Variants in PCDHA2 observed in about 807,000 individuals in gnomAD.
PCDHA2 encodes the protein protocadherin alpha-2.
Under a neutral mutation model 66.0 loss-of-function variants are expected in PCDHA2, and 58 were observed. That is an observed-to-expected ratio of 0.88 (90% confidence interval 0.71 to 1.09). The LOEUF (loss-of-function observed/expected upper bound fraction) is 1.09. Ranked by LOEUF, PCDHA2 falls within the 50% of genes least tolerant of loss-of-function variation. The pLI is 0.00. For synonymous variants in PCDHA2, 634 were observed against 554.0 expected (o/e 1.14, Z -2.03); for missense variants, 1,267 against 1,242.3 (o/e 1.02, Z -0.30).
At chr5:140,835,902 T>A (rs1774035162) in intron 1 of PCDHA2, 3 of 1,612,038 alleles carry the variant, frequency 1.9e-6, no homozygotes, top group Non-Finnish European at 2.5e-6. Flanking sequence ...GCTGTCGAGC[T>A]ACGTGTCAGT....
At chr5:140,907,712 T>A (rs1562961756) in intron 1 of PCDHA2, among the ~76,000 whole-genome samples, 1 of 152,198 alleles carries the variant, frequency 6.6e-6, no homozygotes, top group African/African-American at 2.4e-5. Context: ...GCTGAGCCCA[T>A]GTGTAACCTC....
intron 1 of PCDHA2, chr5:140,800,916 T>G: frequency 1.6e-6 from 1 of 612,092 alleles, no homozygotes; most frequent in Non-Finnish European, 2.4e-6. Context: ...GATATTACAA[T>G]TGAAACTAGA....
chr5:140,985,900 C>A (rs896937826), intron 3 of PCDHA2, among the ~76,000 whole-genome samples: 2 of 151,872 alleles, frequency 1.3e-5, no homozygotes, highest in Non-Finnish European at 2.9e-5. Context: ...CCACCACTCC[C>A]GTCTAATTTT....
rs139717123 is a variant in PCDHA2, at chr5:140,967,213, G to A, written c.2389-11736G>A. 8 of 1,613,598 alleles carry A rather than the reference G, an allele frequency of 5.0e-6. No individual in the cohort carries two copies. The African/African-American group carries it at 8.0e-5, about 16-fold the overall frequency. On this transcript the variant is annotated intron_variant, in intron 1 of 3. Coordinates refer to ENST00000526136, the MANE Select transcript of PCDHA2 (RefSeq NM_018905.3). ...TCAACGACAACTCACCGCGTTTCCC[G>A]CGGCCCAACTACCAGCTTCAGGTAA...
intron 1 of PCDHA2, chr5:140,851,576 G>C: frequency 1.1e-6 from 1 of 913,534 alleles, no homozygotes; most frequent in Non-Finnish European, 1.3e-6. Context: ...TCTACACTTA[G>C]AACATTTTTT....
In PCDHA2 at chr5:140,796,631, T is replaced by A. The variant is rs1554120018; in HGVS notation, c.1667T>A (p.Leu556Gln). Residue 556 changes from leucine (L) to glutamine (Q), a missense_variant, in exon 1 of 4, where the codon CTG becomes CAG. By Grantham distance (113) the Leu-to-Gln change is moderately radical. Transcript: ENST00000526136. ...AACGTGACGCTGCAGGTGTTCGTGC[T>A]GGACGAGAACGACAACGCGCCGGCA... ...GSNVTLQVFV[L>Q]DENDNAPALL... 6.2e-7 allele frequency: 1 copy of A among 1,610,512 alleles called. No homozygotes were observed. Among genetic ancestry groups the A allele is most frequent in the South Asian group, 1.1e-5 (1 of 90,864 alleles).
intron 1 of PCDHA2, chr5:140,809,651 T>G (rs1238154320): frequency 1.8e-5 from 27 of 1,495,556 alleles, no homozygotes; most frequent in Admixed American, 2.3e-5. Flanking sequence ...TTTCTAAGAG[T>G]CAAATTTCCC....
At chr5:140,848,891 G>A in intron 1 of PCDHA2, 1 of 1,600,726 alleles carries the variant, frequency 6.2e-7, no homozygotes, top group South Asian at 1.1e-5. Flanking sequence ...ACCCTCCAGT[G>A]TTCCCAGCGA....
intron 1 of PCDHA2, among the ~76,000 whole-genome samples, chr5:140,955,453 C>T (rs1372474602): frequency 6.6e-6 from 1 of 152,012 alleles, no homozygotes; most frequent in Admixed American, 6.6e-5. Context: ...TTTATAAGGG[C>T]TTTTTCCTTT....
intron 1 of PCDHA2, among the ~76,000 whole-genome samples, chr5:140,936,745 T>C (rs2091123001): frequency 6.6e-6 from 1 of 152,234 alleles, no homozygotes; most frequent in Non-Finnish European, 1.5e-5. Context: ...ACTTTTCATT[T>C]GTATTGATAT....
At chr5:140,850,096 A>C (rs2150466906) in intron 1 of PCDHA2, 2 of 1,596,118 alleles carry the variant, frequency 1.3e-6, no homozygotes, top group African/African-American at 1.3e-5. Context: ...CTACAGTTCC[A>C]GGTGAGCGCG....
In PCDHA2 at chr5:140,795,177, C is replaced by T. The variant is rs782672356; in HGVS notation, c.213C>T (p.His71=). ...TGTTCCGGGTGGCGTCCAAAAGACA[C>T]GGGGACCTTCTGGAGGTAAATCTGC... ...PRLFRVASKR[H]GDLLEVNLQN... The change falls in exon 1 of 4, where the codon CAC becomes CAT. Residue 71 remains histidine (H), a synonymous_variant. Transcript: ENST00000526136. 5 of 1,613,946 alleles carry T rather than the reference C, an allele frequency of 3.1e-6. No individual in the cohort carries two copies. Among genetic ancestry groups the T allele is most frequent in the East Asian group, 4.5e-5 (2 of 44,898 alleles).
Position 140,795,045 on chromosome 5 carries a change from G to A in PCDHA2, c.81G>A (p.Gly27=). 2 of 1,613,876 alleles carry A rather than the reference G, an allele frequency of 1.2e-6. No homozygotes were observed. Among genetic ancestry groups the A allele is most frequent in the Non-Finnish European group, 1.7e-6 (2 of 1,180,002 alleles). Residue 27 remains glycine (G), a synonymous_variant, in exon 1 of 4, where the codon GGG becomes GGA. Transcript: ENST00000526136. ...TGCTCCTCGCAGCCTGGGAGGTGGG[G>A]AGCGGCCAGCTCCGCTACTCCGTCC... ...SLLLLAAWEV[G]SGQLRYSVPE...
intron 1 of PCDHA2, chr5:140,810,805 T>C (rs1764732440): frequency 6.6e-6 from 1 of 152,136 alleles, no homozygotes; most frequent in Non-Finnish European, 1.5e-5. Flanking sequence ...TAGTTTTTAA[T>C]TCTTTTTTGT....
At chr5:140,993,462 TCACACACA>T (rs3836747) in intron 3 of PCDHA2, among the ~76,000 whole-genome samples, 8,792 of 140,974 alleles carry the variant, frequency 0.062, 316 homozygotes, top group South Asian at 0.11. Flanking sequence ...TCTTTCTTTC[TCACACACA>T]CACACACACA....
rs1465510521 is a variant in PCDHA2 at position 140,843,154 on chromosome 5, G to A, written c.2388+45802G>A. On this transcript the variant is annotated intron_variant, in intron 1 of 3. Coordinates refer to ENST00000526136, the MANE Select transcript of PCDHA2 (RefSeq NM_018905.3). ...ACAACGCGTGGCTTTCGTATGAGCT[G>A]CAGCCAGCTGCAAGCAGCCCTCGCA... The A allele has an allele frequency of 1.8e-5, 28 of 1,596,012 alleles. 2 individuals carry two copies. The highest frequency in any genetic ancestry group is 2.4e-5 in the Non-Finnish European group (28 of 1,165,622).
intron 1 of PCDHA2, among the ~76,000 whole-genome samples, chr5:140,898,705 A>C (rs1351081569): frequency 1.3e-5 from 2 of 152,142 alleles, no homozygotes; most frequent in Admixed American, 1.3e-4. Flanking sequence ...ACTTTAAAGT[A>C]GTTTTTTCCA....
At chr5:140,995,903 G>A (rs1554254885) in intron 3 of PCDHA2, among the ~76,000 whole-genome samples, 2 of 152,206 alleles carry the variant, frequency 1.3e-5, no homozygotes, top group East Asian at 1.9e-4. Flanking sequence ...ATGTATAAAA[G>A]AGGAGAGACC....
chr5:140,954,282 T>C (rs1554221335), intron 1 of PCDHA2, among the ~76,000 whole-genome samples: 1 of 152,220 alleles, frequency 6.6e-6, no homozygotes. Context: ...TGATTTATAT[T>C]CCTTTGGGTA....
Sources: allele counts gnomAD v4.1 joint callset (sites outside exome capture counted in the v4.1 genomes callset), GRCh38; gene constraint gnomAD v4.1.1; transcripts MANE v1.5; gene names NCBI Gene and HGNC (gene_info 2026-07-23, HGNC 2026-07-21).